The following SRGAP3 variants were observed in gnomAD, a reference collection of about 807,000 sequenced individuals.
The protein encoded by SRGAP3 is SLIT-ROBO Rho GTPase-activating protein 3.
Under a neutral mutation model 121.1 loss-of-function variants are expected in SRGAP3, and 39 were observed. The observed-to-expected ratio is 0.32, with a 90% CI of 0.25 to 0.42. The LOEUF (loss-of-function observed/expected upper bound fraction) is 0.42. SRGAP3 is among the 10% of genes least tolerant of loss of function. The pLI is 1.00. For synonymous variants in SRGAP3, 601 were observed against 570.0 expected (o/e 1.05, Z -0.77); for missense variants, 1,213 against 1,470.6 (o/e 0.82, Z 2.86).
At chr3:9,091,615 T>G (rs1012277067) in intron 3 of SRGAP3, among the ~76,000 whole-genome samples, 5 of 152,168 alleles carry the variant, frequency 3.3e-5, no homozygotes, top group African/African-American at 1.2e-4. Flanking sequence ...AGGATCAGGC[T>G]TCTCCAGCCT....
intron 3 of SRGAP3, among the ~76,000 whole-genome samples, chr3:9,325,442 A>C (rs1260003849): frequency 6.6e-6 from 1 of 151,944 alleles, no homozygotes; most frequent in Non-Finnish European, 1.5e-5. Context: ...CAGCAGCTGC[A>C]CATGTACTTT....
intron 3 of SRGAP3, among the ~76,000 whole-genome samples, chr3:9,299,064 A>AG (rs1209547826): frequency 3.3e-5 from 5 of 149,870 alleles, no homozygotes; most frequent in Non-Finnish European, 7.4e-5. Flanking sequence ...AAAAAAAAAA[A>AG]AAAAAAGAAA....
intron 1 of SRGAP3, among the ~76,000 whole-genome samples, chr3:9,151,869 C>A (rs573472655): frequency 6.6e-6 from 1 of 152,278 alleles, no homozygotes; most frequent in East Asian, 1.9e-4. Flanking sequence ...TAAGCAGAAG[C>A]AGGCAACGGG....
intron 1 of SRGAP3, among the ~76,000 whole-genome samples, chr3:9,160,196 T>C (rs930254916): frequency 2.0e-5 from 3 of 152,110 alleles, no homozygotes; most frequent in Non-Finnish European, 4.4e-5. Context: ...GTTGTGGTGG[T>C]TTTATAATAC....
chr3:9,285,323 C>G (rs1394969330), intron 3 of SRGAP3, among the ~76,000 whole-genome samples: 1 of 152,166 alleles, frequency 6.6e-6, no homozygotes, highest in Non-Finnish European at 1.5e-5. Flanking sequence ...GGGCTCAGAA[C>G]TTGCTGCTCT....
At chr3:9,067,534 G>A (rs992452512) in intron 4 of SRGAP3, among the ~76,000 whole-genome samples, 2 of 151,934 alleles carry the variant, frequency 1.3e-5, no homozygotes, top group East Asian at 1.9e-4. Context: ...ATATTGATGC[G>A]TTCTCGACAT....
At chr3:9,067,559 G>A (rs1472335265) in intron 4 of SRGAP3, among the ~76,000 whole-genome samples, 1 of 151,984 alleles carries the variant, frequency 6.6e-6, no homozygotes, top group Non-Finnish European at 1.5e-5. Context: ...TGGCCAAAAG[G>A]GGTGACTGCA....
intron 3 of SRGAP3, among the ~76,000 whole-genome samples, chr3:9,259,563 C>G (rs775796748): frequency 5.3e-5 from 8 of 152,170 alleles, no homozygotes; most frequent in Non-Finnish European, 1.0e-4. Context: ...CCTGCCTCGG[C>G]CTCCAAAATG....
At chr3:9,063,669 C>T (rs987140794) in intron 5 of SRGAP3, among the ~76,000 whole-genome samples, 5 of 152,112 alleles carry the variant, frequency 3.3e-5, no homozygotes, top group African/African-American at 9.7e-5. Flanking sequence ...AAATCTGTTT[C>T]GAGTTTCACA....
chr3:9,079,984 G>C, intron 4 of SRGAP3, 41 bp downstream of exon 4: 2 of 1,610,562 alleles, frequency 1.2e-6, no homozygotes, highest in South Asian at 2.2e-5. Flanking sequence ...TGAAGACAGA[G>C]ACCCAATCCC....
At chr3:9,316,932 G>T (rs3852050) in intron 3 of SRGAP3, among the ~76,000 whole-genome samples, 13,740 of 152,094 alleles carry the variant, frequency 0.09, 718 homozygotes, top group East Asian at 0.28. Flanking sequence ...GCATTTCAAA[G>T]CACAAAGGCC....
chr3:9,231,703 A>T (rs762918577), intron 1 of SRGAP3, among the ~76,000 whole-genome samples: 11 of 152,234 alleles, frequency 7.2e-5, no homozygotes, highest in Non-Finnish European at 1.2e-4. Flanking sequence ...GGACAGACAC[A>T]TAAACAACCC....
At chr3:9,196,514 CTTT>C (rs1211767986) in intron 1 of SRGAP3, among the ~76,000 whole-genome samples, 1 of 152,118 alleles carries the variant, frequency 6.6e-6, no homozygotes, top group Non-Finnish European at 1.5e-5. Context: ...CTTATTTTTG[CTTT>C]TTCTTTGTTT....
intron 1 of SRGAP3, among the ~76,000 whole-genome samples, chr3:9,182,861 T>A (rs1951468527): frequency 1.3e-5 from 2 of 152,076 alleles, no homozygotes; most frequent in South Asian, 4.2e-4. Flanking sequence ...TCTCACTGTG[T>A]TGCCCAGGCT....
chr3:8,983,638 T>C lies in SRGAP3; in HGVS notation c.*1881A>G, dbSNP rs193058307. ...CCACTGCTCACTTCTGAAATGCCAT[T>C]GGGAGGTTTCAAAAAGAAGGGCTGG... On this transcript the variant is annotated 3_prime_UTR_variant, in exon 22 of 22. Coordinates refer to ENST00000383836, the MANE Select transcript of SRGAP3 (RefSeq NM_014850.4). 1.3e-5 allele frequency: 3 copies of C among 231,678 alleles called. No homozygotes were observed. In the Admixed American group the frequency reaches 1.7e-4, roughly 13 times the overall value. 14.4% of individuals were successfully genotyped at this position (231,678 alleles called of 1,614,324 possible). A position where few individuals can be genotyped will look rare whatever the true frequency, so the allele number is the denominator to read the frequency against.
intron 1 of SRGAP3, among the ~76,000 whole-genome samples, chr3:9,201,525 C>T (rs2125158062): frequency 6.6e-6 from 1 of 152,358 alleles, no homozygotes; most frequent in South Asian, 2.1e-4. Context: ...CCTCTGCCTG[C>T]TCCCAGCAAA....
chr3:9,106,615 T>C (rs1054324528), intron 2 of SRGAP3, among the ~76,000 whole-genome samples: 9 of 152,226 alleles, frequency 5.9e-5, no homozygotes, highest in African/African-American at 2.2e-4. Flanking sequence ...ATTCTCGTGA[T>C]AGTGAATACG....
At chr3:9,069,339 A>G (rs186091575) in intron 4 of SRGAP3, among the ~76,000 whole-genome samples, 6 of 152,248 alleles carry the variant, frequency 3.9e-5, no homozygotes, top group African/African-American at 1.4e-4. Flanking sequence ...TTATCAAGTG[A>G]CCAACTGCCA....
In SRGAP3 at chr3:8,994,479, G is replaced by A. The variant is rs774033599; in HGVS notation, c.2272C>T (p.Arg758Trp). 1.1e-5 allele frequency: 17 copies of A among 1,614,004 alleles called. No individual in the cohort carries two copies. Among genetic ancestry groups the A allele is most frequent in the South Asian group, 3.3e-5 (3 of 91,090 alleles). ...EAIAKFDYMG[R>W]SPRELSFKKG... ...TTGAAGGATAGCTCACGCGGGGACC[G>A]CCCCATGTAGTCAAACTTGGCAATA... is the stretch of plus-strand genomic sequence containing the variant. Residue 758 changes from arginine (R) to tryptophan (W), a missense_variant, in exon 19 of 22, where the codon CGG becomes TGG. Physicochemically the swap from Arg to Trp is moderately radical, Grantham distance 101. Around this residue, in one of 2 missense-constraint regions of SRGAP3, gnomAD observed 793 missense variants for 1,032.9 expected, o/e 0.77. Transcript: ENST00000383836.
Sources: allele counts gnomAD v4.1 joint callset (sites outside exome capture counted in the v4.1 genomes callset), GRCh38; gene constraint gnomAD v4.1.1; regional missense constraint gnomAD v4.1.1; transcripts MANE v1.5; gene names NCBI Gene and HGNC (gene_info 2026-07-23, HGNC 2026-07-21).